GINS4: variants seen among roughly 807,000 people sequenced by gnomAD.
GINS4 encodes GINS complex subunit 4.
Under a neutral mutation model 31.1 loss-of-function variants are expected in GINS4, and 20 were observed. That is an observed-to-expected ratio of 0.64 (90% CI 0.45 to 0.93). GINS4 has a LOEUF of 0.93. Ranked by LOEUF, GINS4 falls within the 40% of genes least tolerant of loss-of-function variation. The pLI, the probability that GINS4 is intolerant of heterozygous loss-of-function variation, is 0.00. For missense variants in GINS4, 245 were observed against 273.9 expected (o/e 0.89, Z 0.75); for synonymous variants, 85 against 97.9 (o/e 0.87, Z 0.78).
intron 3 of GINS4, 35 bp downstream of exon 3, chr8:41,536,481 A>AGAAAG: frequency 7.6e-7 from 1 of 1,318,258 alleles, no homozygotes. Flanking sequence ...ACAAAGGAGG[A>AGAAAG]GAAAGGTAAA....
At chr8:41,537,882 G>A (rs34652017) in intron 4 of GINS4, 35,568 of 151,938 alleles carry the variant, frequency 0.23, 4,228 homozygotes, top group Middle Eastern at 0.33. Context: ...TTAGCCAGGC[G>A]TGGCGGCAGG....
In GINS4 at chr8:41,543,214, C is replaced by T. The variant is rs1421519486; in HGVS notation, c.*1127C>T. 6.6e-6 allele frequency: 1 copy of T among 152,172 alleles called. No individual in the cohort carries two copies. The highest frequency in any genetic ancestry group is 1.5e-5 in the Non-Finnish European group (1 of 68,044). The allele number at this position is 152,172 out of a possible 1,614,324, so 9.4% of individuals were successfully genotyped here. A position where few individuals can be genotyped will look rare whatever the true frequency, so the allele number is the denominator to read the frequency against. ...GCTTAATTGAAAATCACAACTAAACCAATAAACCATTATTAAATTTCCATT... is the reference window on the plus strand; with the variant it reads ...GCTTAATTGAAAATCACAACTAAACTAATAAACCATTATTAAATTTCCATT... On this transcript the variant is annotated 3_prime_UTR_variant, in exon 8 of 8. Coordinates refer to ENST00000276533, the MANE Select transcript of GINS4 (RefSeq NM_032336.3).
At position 41,530,199 on chromosome 8, in the gene GINS4, G is replaced by A; in HGVS notation, c.-4G>A. ...CTCTCATTAGGTTCCTGGTTTCAGA[G>A]AAGATGACCGAAGAAGTGGATTTCC... On this transcript the variant is annotated 5_prime_UTR_variant, in exon 2 of 8. Coordinates refer to ENST00000276533, the MANE Select transcript of GINS4 (RefSeq NM_032336.3). 1 of 1,610,228 alleles carries A rather than the reference G, an allele frequency of 6.2e-7. No individual in the cohort carries two copies. Among genetic ancestry groups the A allele is most frequent in the South Asian group, 1.1e-5 (1 of 90,916 alleles).
At chr8:41,529,809 C>T (rs191467049) in intron 1 of GINS4, 24 of 160,896 alleles carry the variant, frequency 1.5e-4, no homozygotes, top group Non-Finnish European at 3.0e-4. Flanking sequence ...GTCATTGCGT[C>T]CCCAGTGCTT....
At chr8:41,530,613 C>T (rs1368670833) in intron 2 of GINS4, among the ~76,000 whole-genome samples, 1 of 152,184 alleles carries the variant, frequency 6.6e-6, no homozygotes, top group Non-Finnish European at 1.5e-5. Flanking sequence ...TTACCTTAGT[C>T]CCTTGAACAT....
chr8:41,530,812 C>T (rs1044928359), intron 2 of GINS4, among the ~76,000 whole-genome samples: 1 of 152,180 alleles, frequency 6.6e-6, no homozygotes, highest in Non-Finnish European at 1.5e-5. Flanking sequence ...TGACTTACTG[C>T]ATATTTCCCA....
In GINS4 at chr8:41,529,297, T is replaced by G. The variant is rs141452478; in HGVS notation, c.-119T>G. On this transcript the variant is annotated 5_prime_UTR_variant, in exon 1 of 8. Coordinates refer to ENST00000276533, the MANE Select transcript of GINS4 (RefSeq NM_032336.3). ...GGCAAGTCCTTGAGCAGTTTGTTCC[T>G]CTGTCTTCCCGCTTCCTGGTGCCCC... 7.1e-4 allele frequency: 108 copies of G among 152,662 alleles called. No individual in the cohort carries two copies. Among genetic ancestry groups the G allele is most frequent in the Middle Eastern group, 3.4e-3 (1 of 296 alleles). 9.5% of individuals were successfully genotyped at this position (152,662 alleles called of 1,614,324 possible). A position where few individuals can be genotyped will look rare whatever the true frequency, so the allele number is the denominator to read the frequency against.
chr8:41,531,207 GGT>G (rs1806643931), intron 2 of GINS4, among the ~76,000 whole-genome samples: 1 of 152,246 alleles, frequency 6.6e-6, no homozygotes, highest in Non-Finnish European at 1.5e-5. Context: ...GGGAGGCAGA[GGT>G]TGTGGTGAGC....
intron 2 of GINS4, among the ~76,000 whole-genome samples, chr8:41,530,708 T>G (rs553085249): frequency 6.6e-6 from 1 of 152,326 alleles, no homozygotes; most frequent in East Asian, 1.9e-4. Context: ...TTCCTTTTTC[T>G]CACATGTTTT....
At position 41,542,386 on chromosome 8, in the gene GINS4, A is replaced by AC. The variant is rs1425476881; in HGVS notation, c.*299_*300insC. The AC allele has an allele frequency of 1.8e-5, 7 of 390,862 alleles. No homozygotes were observed. The East Asian group carries it at 3.0e-4, about 17-fold the overall frequency. 24.2% of individuals were successfully genotyped at this position (390,862 alleles called of 1,614,324 possible). A position where few individuals can be genotyped will look rare whatever the true frequency, so the allele number is the denominator to read the frequency against. ...GTGACAGTGAGACTTTGTCTCAAAA[A>AC]AAAAAACAAAAAACAAAAAAAAAAC... On this transcript the variant is annotated 3_prime_UTR_variant, in exon 8 of 8. Coordinates refer to ENST00000276533, the MANE Select transcript of GINS4 (RefSeq NM_032336.3).
chr8:41,532,345 A>G (rs947671604), intron 2 of GINS4, among the ~76,000 whole-genome samples: 6 of 151,386 alleles, frequency 4.0e-5, no homozygotes, highest in Admixed American at 3.3e-4. Flanking sequence ...ATATCATCTC[A>G]TATCTATCAG....
intron 6 of GINS4, chr8:41,540,285 C>CA (rs1806814872): frequency 2.1e-6 from 1 of 473,316 alleles, no homozygotes; most frequent in African/African-American, 2.0e-5. Flanking sequence ...CAGTAGCCAT[C>CA]TGCTGAGCCT....
chr8:41,534,339 C>A, intron 2 of GINS4: 1 of 343,852 alleles, frequency 2.9e-6, no homozygotes, highest in South Asian at 2.4e-5. Context: ...CCTTGGAGGT[C>A]AAGAATGCAG....
At chr8:41,530,086 G>A in intron 1 of GINS4, 98 bp from the exon 2 acceptor site, 1 of 753,674 alleles carries the variant, frequency 1.3e-6, no homozygotes, top group East Asian at 2.8e-5. Flanking sequence ...ACAACCCCAG[G>A]AAACCTCAAT....
At position 41,544,795 on chromosome 8, in the gene GINS4, G is replaced by C. The variant is rs1585627139; in HGVS notation, c.*2708G>C. ...GGTTCTGAAACAGGGTGAGGTCCAG[G>C]ATCCTGCCTTTCTAAGGAGCTCCCA... On this transcript the variant is annotated 3_prime_UTR_variant, in exon 8 of 8. Coordinates refer to ENST00000276533, the MANE Select transcript of GINS4 (RefSeq NM_032336.3). The C allele has an allele frequency of 1.3e-5, 2 of 151,922 alleles. 1 individual carries two copies. The highest frequency in any genetic ancestry group is 1.3e-4 in the Admixed American group (2 of 15,230). 9.4% of individuals were successfully genotyped at this position (151,922 alleles called of 1,614,324 possible). A position where few individuals can be genotyped will look rare whatever the true frequency, so the allele number is the denominator to read the frequency against.
At chr8:41,541,089 A>G (rs1260622847) in intron 6 of GINS4, among the ~76,000 whole-genome samples, 2 of 111,440 alleles carry the variant, frequency 1.8e-5, no homozygotes, top group African/African-American at 7.0e-5. Flanking sequence ...TTATTTTTTG[A>G]GACAAGGTCT....
Position 41,542,119 on chromosome 8 carries a change from C to G in GINS4, c.*32C>G, listed in dbSNP as rs758494264. 2.6e-6 allele frequency: 4 copies of G among 1,546,828 alleles called. No homozygotes were observed. The highest frequency in any genetic ancestry group is 2.2e-5 in the East Asian group (1 of 44,482). ...GCATAAACAGCCAGGCATGGTGACT[C>G]AAGCCTGTAATCCCAGCACTTTGGG... On this transcript the variant is annotated 3_prime_UTR_variant, in exon 8 of 8. Coordinates refer to ENST00000276533, the MANE Select transcript of GINS4 (RefSeq NM_032336.3).
rs397694706 is a variant in GINS4 at position 41,542,392 on chromosome 8, A to AG, written c.*305_*306insG. On this transcript the variant is annotated 3_prime_UTR_variant, in exon 8 of 8. Coordinates refer to ENST00000276533, the MANE Select transcript of GINS4 (RefSeq NM_032336.3). ...GTGAGACTTTGTCTCAAAAAAAAAA[A>AG]CAAAAAACAAAAAAAAAACAAACTA... 2.7e-6 allele frequency: 1 copy of AG among 377,248 alleles called. No individual in the cohort carries two copies. 23.4% of individuals were successfully genotyped at this position (377,248 alleles called of 1,614,324 possible).
chr8:41,542,027 C>T lies in GINS4; in HGVS notation c.612C>T (p.His204=). The change falls in exon 8 of 8, where the codon CAC becomes CAT. Residue 204 remains histidine, a synonymous_variant. Coordinates refer to ENST00000276533, the MANE Select transcript of GINS4 (RefSeq NM_032336.3). ...TTGACCTGGAGAAGGGCTCACAGCA[C>T]TTGATCCGATACAAAACCATTGCAC... The part of the protein sequence containing the change: ...YVIDLEKGSQ[H]LIRYKTIAPL... 1 of 1,614,158 alleles carries T rather than the reference C, an allele frequency of 6.2e-7. No homozygotes were observed. The highest frequency in any genetic ancestry group is 8.5e-7 in the Non-Finnish European group (1 of 1,180,030).
Sources: gnomAD v4.1 joint callset for allele counts (sites outside exome capture counted in the v4.1 genomes callset) on GRCh38, gnomAD v4.1.1 for gene constraint, MANE v1.5 for transcripts, NCBI Gene and HGNC (gene_info 2026-07-23, HGNC 2026-07-21) for gene names.